The following DCAF6 variants were observed in gnomAD, a reference collection of about 807,000 sequenced individuals.
DCAF6 encodes DDB1- and CUL4-associated factor 6.
Under a neutral mutation model 125.1 loss-of-function variants are expected in DCAF6, and 54 were observed. The observed-to-expected ratio is 0.43, with a 90% confidence interval of 0.35 to 0.54. The LOEUF is 0.54. Among genes scored for constraint, DCAF6 ranks in the 20% least tolerant of loss-of-function variants. The pLI, the probability that DCAF6 is intolerant of heterozygous loss-of-function variation, is 0.01. For synonymous variants in DCAF6, 371 were observed against 390.4 expected (o/e 0.95, Z 0.58); for missense variants, 934 against 1,161.7 (o/e 0.80, Z 2.85).
chr1:167,935,921 C>A, upstream of DCAF6: 1 of 1,118,138 alleles, frequency 8.9e-7, no homozygotes, highest in South Asian at 1.3e-5. Context: ...GGGAGCTAGT[C>A]ACTTTTCCTG....
the DCAF6 span, among the ~76,000 whole-genome samples, chr1:167,915,881 T>TA: frequency 6.6e-6 from 1 of 152,176 alleles, no homozygotes; most frequent in South Asian, 2.1e-4. Flanking sequence ...TTGAAAATAT[T>TA]AAAGGTCAGA....
chr1:167,947,591 T>G (rs1157161101), intron 1 of DCAF6, among the ~76,000 whole-genome samples: 2 of 152,206 alleles, frequency 1.3e-5, no homozygotes, highest in South Asian at 2.1e-4. Flanking sequence ...CAAAAACATT[T>G]TTTTAAATTT....
At chr1:167,946,298 A>G (rs1373884109) in intron 1 of DCAF6, among the ~76,000 whole-genome samples, 2 of 152,150 alleles carry the variant, frequency 1.3e-5, no homozygotes, top group African/African-American at 2.4e-5. Context: ...TTTTCTAGAT[A>G]TAAGATCATA....
intron 6 of DCAF6, among the ~76,000 whole-genome samples, chr1:167,992,345 G>A (rs964166637): frequency 9.9e-5 from 15 of 151,636 alleles, no homozygotes; most frequent in Admixed American, 8.6e-4. Flanking sequence ...AGGTGGACTT[G>A]GGCAGAAACC....
intron 7 of DCAF6, among the ~76,000 whole-genome samples, chr1:168,000,836 G>A (rs1040852201): frequency 6.6e-6 from 1 of 152,068 alleles, no homozygotes; most frequent in African/African-American, 2.4e-5. Context: ...GCCAGGAGCT[G>A]AGCAGAGGGA....
intron 2 of DCAF6, among the ~76,000 whole-genome samples, chr1:167,958,082 A>G (rs1344441706): frequency 6.6e-6 from 1 of 152,080 alleles, no homozygotes; most frequent in Non-Finnish European, 1.5e-5. Flanking sequence ...ATTTCCCTTC[A>G]TTCTATGGGT....
At chr1:167,945,585 A>G (rs1156949051) in intron 1 of DCAF6, among the ~76,000 whole-genome samples, 2 of 151,882 alleles carry the variant, frequency 1.3e-5, no homozygotes, top group African/African-American at 2.4e-5. Context: ...TCCGGCTCCC[A>G]GGTTCAAGCA....
In DCAF6 at chr1:168,043,169, T is replaced by C. The variant is rs12059225; in HGVS notation, c.1843+29T>C. ...AGGTGTTATTTTGCTTTTGTTGTTA[T>C]AAAATTGCAGCATTGGATGTTTATC... On this transcript the variant is annotated intron_variant, in intron 14 of 21. Coordinates refer to ENST00000367840, the MANE Select transcript of DCAF6 (RefSeq NM_001198956.2). 8,615 of 1,524,350 alleles carry C rather than the reference T, an allele frequency of 5.7e-3. 418 individuals carry two copies. The African/African-American group carries it at 0.1, about 19-fold the overall frequency. 94.4% of individuals were successfully genotyped at this position (1,524,350 alleles called of 1,614,324 possible). A position where few individuals can be genotyped will look rare whatever the true frequency, so the allele number is the denominator to read the frequency against.
chr1:167,899,799 T>A, the DCAF6 span, among the ~76,000 whole-genome samples: 3 of 152,208 alleles, frequency 2.0e-5, no homozygotes, highest in African/African-American at 7.2e-5. Context: ...GCTCGGGCCT[T>A]CCAAAGCTCC....
At chr1:168,007,469 A>G (rs1469077149) in intron 10 of DCAF6, among the ~76,000 whole-genome samples, 1 of 152,012 alleles carries the variant, frequency 6.6e-6, no homozygotes, top group Non-Finnish European at 1.5e-5. Flanking sequence ...TCATTTATTT[A>G]TTAACCAACC....
intron 1 of DCAF6, among the ~76,000 whole-genome samples, chr1:167,938,134 T>G (rs1335108918): frequency 6.6e-6 from 1 of 152,250 alleles, no homozygotes; most frequent in Non-Finnish European, 1.5e-5. Flanking sequence ...CAAAAATCCC[T>G]TTGATCCCTC....
intron 2 of DCAF6, among the ~76,000 whole-genome samples, chr1:167,956,648 A>G (rs1358601867): frequency 6.6e-6 from 1 of 152,118 alleles, no homozygotes; most frequent in Non-Finnish European, 1.5e-5. Context: ...GTGGAAGCTG[A>G]GGTCATTGAT....
At chr1:167,912,019 T>C in the DCAF6 span, among the ~76,000 whole-genome samples, 1 of 152,212 alleles carries the variant, frequency 6.6e-6, no homozygotes, top group South Asian at 2.1e-4. Context: ...TGAACACCCA[T>C]AAAAGACAAT....
intron 8 of DCAF6, 116 bp downstream of exon 8, chr1:168,002,691 G>A (rs1682810006): frequency 1.5e-6 from 1 of 670,790 alleles, no homozygotes; most frequent in African/African-American, 1.9e-5. Flanking sequence ...ATACATATAG[G>A]TATACTTATG....
At chr1:167,942,033 G>A (rs1032210826) in intron 1 of DCAF6, among the ~76,000 whole-genome samples, 12 of 152,168 alleles carry the variant, frequency 7.9e-5, no homozygotes, top group Admixed American at 2.0e-4. Context: ...CATGGTAGGC[G>A]TGTAGAAATA....
intron 12 of DCAF6, among the ~76,000 whole-genome samples, chr1:168,037,103 C>CA (rs752448825): frequency 6.7e-6 from 1 of 148,274 alleles, no homozygotes; most frequent in African/African-American, 2.5e-5. Flanking sequence ...TTCTCCCCCC[C>CA]CTTTTTTTTT....
chr1:168,009,501 C>CCCTT (rs540310744), intron 10 of DCAF6, among the ~76,000 whole-genome samples: 5 of 144,652 alleles, frequency 3.5e-5, no homozygotes, highest in South Asian at 2.3e-4. Flanking sequence ...CTTCTTCCCT[C>CCCTT]CCTTCCTTCC....
the DCAF6 span, among the ~76,000 whole-genome samples, chr1:167,887,192 C>A: frequency 6.6e-6 from 1 of 152,198 alleles, no homozygotes; most frequent in Non-Finnish European, 1.5e-5. Flanking sequence ...CATCCCATTA[C>A]TGGGTATGTA....
At chr1:167,968,723 T>C (rs1367829482) in intron 3 of DCAF6, among the ~76,000 whole-genome samples, 1 of 152,224 alleles carries the variant, frequency 6.6e-6, no homozygotes, top group East Asian at 1.9e-4. Context: ...GAGCTCCCAT[T>C]AGAGATAGGA....
Sources: gnomAD v4.1 joint callset for allele counts (sites outside exome capture counted in the v4.1 genomes callset) on GRCh38, gnomAD v4.1.1 for gene constraint, MANE v1.5 for transcripts, NCBI Gene and HGNC (gene_info 2026-07-23, HGNC 2026-07-21) for gene names.